FBXL7: variants seen among roughly 807,000 people sequenced by gnomAD.
FBXL7 encodes F-box/LRR-repeat protein 7.
In FBXL7, 12 loss-of-function variants were observed where a neutral mutation model predicts 38.3. The observed-to-expected ratio is 0.31, with a 90% CI of 0.20 to 0.51. The LOEUF (loss-of-function observed/expected upper bound fraction) is 0.51, where lower values mean the gene tolerates loss of function less well. FBXL7 is among the 20% of genes least tolerant of loss of function. The probability of loss-of-function intolerance (pLI) is 0.98; values close to 1 mark genes in which losing one functional copy is unlikely to be tolerated. For synonymous variants in FBXL7, 297 were observed against 300.9 expected (o/e 0.99, Z 0.13); for missense variants, 567 against 676.4 (o/e 0.84, Z 1.79).
intron 2 of FBXL7, among the ~76,000 whole-genome samples, chr5:15,722,689 G>A (rs867544785): frequency 1.5e-4 from 23 of 152,242 alleles, no homozygotes; most frequent in African/African-American, 5.3e-4. Flanking sequence ...TCGGGAGGCC[G>A]AGGTGGGTGG....
At chr5:15,856,595 AAGAT>A (rs2126800897) in intron 2 of FBXL7, among the ~76,000 whole-genome samples, 1 of 152,266 alleles carries the variant, frequency 6.6e-6, no homozygotes, top group South Asian at 2.1e-4. Flanking sequence ...CATGACATAA[AAGAT>A]AGAGACATCA....
intron 2 of FBXL7, among the ~76,000 whole-genome samples, chr5:15,670,716 G>A (rs1428991047): frequency 7.2e-5 from 11 of 152,024 alleles, no homozygotes; most frequent in African/African-American, 1.2e-4. Flanking sequence ...CAGGAGAATC[G>A]CTTGAACCTG....
chr5:15,548,016 A>G (rs1737963707), intron 1 of FBXL7, among the ~76,000 whole-genome samples: 1 of 152,190 alleles, frequency 6.6e-6, no homozygotes, highest in African/African-American at 2.4e-5. Context: ...GCAGATCCTG[A>G]AATTGGGAAA....
At chr5:15,519,545 CAA>C (rs1023166722) in intron 1 of FBXL7, among the ~76,000 whole-genome samples, 9 of 151,952 alleles carry the variant, frequency 5.9e-5, no homozygotes, top group Non-Finnish European at 1.0e-4. Flanking sequence ...CACAGGAGAG[CAA>C]AGTTATGCTC....
At chr5:15,554,567 T>C (rs74867343) in intron 1 of FBXL7, among the ~76,000 whole-genome samples, 338 of 152,308 alleles carry the variant, frequency 2.2e-3, no homozygotes, top group African/African-American at 7.7e-3. Flanking sequence ...CTGAAAAAAT[T>C]TGGCTAACTC....
At chr5:15,876,410 A>G (rs1740209142) in intron 2 of FBXL7, among the ~76,000 whole-genome samples, 1 of 152,192 alleles carries the variant, frequency 6.6e-6, no homozygotes, top group African/African-American at 2.4e-5. Flanking sequence ...ATTAAAAAAA[A>G]AAGGTGTTCC....
At chr5:15,569,119 C>G (rs1167631700) in intron 1 of FBXL7, among the ~76,000 whole-genome samples, 2 of 152,112 alleles carry the variant, frequency 1.3e-5, no homozygotes, top group Non-Finnish European at 1.5e-5. Context: ...TTTTCTAATT[C>G]TGTGAAGAAA....
chr5:15,794,133 A>G (rs1338303481), intron 2 of FBXL7, among the ~76,000 whole-genome samples: 1 of 152,200 alleles, frequency 6.6e-6, no homozygotes, highest in South Asian at 2.1e-4. Context: ...GGGGATAAGC[A>G]TTCTCTTCTC....
In FBXL7 at chr5:15,611,237, A is replaced by G. The variant is rs55949749; in HGVS notation, c.38-4746A>G. ...CACACCTTCCCATATAAGGCTGAAC[A>G]AGGTGACACTCTGCCTTCCTGTCTC... On this transcript the variant is annotated intron_variant, in intron 1 of 3. Coordinates refer to ENST00000504595, the MANE Select transcript of FBXL7 (RefSeq NM_012304.5). Among the ~76,000 whole-genome samples the G allele has an allele frequency of 8.3e-3, 1,270 of 152,098 alleles. 17 individuals are homozygous for G. The highest frequency in any genetic ancestry group is 0.029 in the African/African-American group (1,185 of 41,470).
chr5:15,914,930 T>G (rs539821002), intron 2 of FBXL7, among the ~76,000 whole-genome samples: 1 of 152,224 alleles, frequency 6.6e-6, no homozygotes, highest in South Asian at 2.1e-4. Context: ...TGCAGATATA[T>G]TTGAATTCAG....
intron 2 of FBXL7, among the ~76,000 whole-genome samples, chr5:15,621,578 A>T (rs779491729): frequency 2.0e-5 from 3 of 152,202 alleles, no homozygotes; most frequent in Non-Finnish European, 4.4e-5. Flanking sequence ...AAGCTTCCTG[A>T]AAATAGCAAG....
At chr5:15,580,509 T>G (rs1360239054) in intron 1 of FBXL7, 7 of 502,038 alleles carry the variant, frequency 1.4e-5, no homozygotes, top group Non-Finnish European at 1.8e-5. Context: ...TATAATTACC[T>G]AAAAACAGAG....
chr5:15,884,298 G>A (rs761112405), intron 2 of FBXL7, among the ~76,000 whole-genome samples: 11 of 150,334 alleles, frequency 7.3e-5, no homozygotes, highest in East Asian at 1.9e-4. Flanking sequence ...ATGGAGTCTC[G>A]CTCTGTCTCC....
intron 2 of FBXL7, among the ~76,000 whole-genome samples, chr5:15,717,371 G>C (rs931924728): frequency 6.6e-6 from 1 of 152,178 alleles, no homozygotes; most frequent in Non-Finnish European, 1.5e-5. Context: ...ATGGAGAACT[G>C]CTCTGAGACT....
chr5:15,784,142 A>G (rs1466705336), intron 2 of FBXL7, among the ~76,000 whole-genome samples: 12 of 152,164 alleles, frequency 7.9e-5, no homozygotes, highest in Admixed American at 6.5e-5. Context: ...AGATTATCTT[A>G]AAGAGTATAG....
At chr5:15,912,990 G>A (rs561203453) in intron 2 of FBXL7, among the ~76,000 whole-genome samples, 1 of 152,264 alleles carries the variant, frequency 6.6e-6, no homozygotes, top group Admixed American at 6.5e-5. Flanking sequence ...ATTAAACAAT[G>A]TTTAAGTGTA....
At chr5:15,898,193 T>C (rs1311163230) in intron 2 of FBXL7, among the ~76,000 whole-genome samples, 1 of 151,056 alleles carries the variant, frequency 6.6e-6, no homozygotes, top group Non-Finnish European at 1.5e-5. Flanking sequence ...GAAAGTAAAC[T>C]CAGCCCCAGC....
chr5:15,931,701 C>T (rs1025848102), intron 3 of FBXL7, among the ~76,000 whole-genome samples: 4 of 152,322 alleles, frequency 2.6e-5, no homozygotes, highest in African/African-American at 9.6e-5. Flanking sequence ...CCTGCATACA[C>T]GCAATGCTCC....
rs147446306 is a variant in FBXL7 at position 15,857,617 on chromosome 5, G to A, written c.128-70273G>A. 1.8e-4 allele frequency among the ~76,000 whole-genome samples: 27 copies of A among 152,316 alleles called. 1 individual carries two copies. In the Middle Eastern group the frequency reaches 0.01, roughly 58 times the overall value. On this transcript the variant is annotated intron_variant, in intron 2 of 3. Coordinates refer to ENST00000504595, the MANE Select transcript of FBXL7 (RefSeq NM_012304.5). Reference sequence around the variant, plus strand: ...AAAATGTCATGAGCATAAGAGAGCCGTAGGCACCATCAAACATAGAAGATC... The same window carrying A: ...AAAATGTCATGAGCATAAGAGAGCCATAGGCACCATCAAACATAGAAGATC...
Sources: gnomAD v4.1 joint callset for allele counts (sites outside exome capture counted in the v4.1 genomes callset) on GRCh38, gnomAD v4.1.1 for gene constraint, MANE v1.5 for transcripts, NCBI Gene and HGNC (gene_info 2026-07-23, HGNC 2026-07-21) for gene names.